ATP6V0D2: variants seen among roughly 807,000 people sequenced by gnomAD.
ATP6V0D2 encodes V-type proton ATPase subunit d 2.
Under a neutral mutation model 40.0 loss-of-function variants are expected in ATP6V0D2, and 40 were observed. The observed-to-expected ratio is 1.00, with a 90% CI of 0.78 to 1.30. The LOEUF (loss-of-function observed/expected upper bound fraction) is 1.30. ATP6V0D2 is among the 50% of genes most tolerant of loss of function. The probability of loss-of-function intolerance (pLI) is 0.00; values close to 1 mark genes in which losing one functional copy is unlikely to be tolerated. For synonymous variants in ATP6V0D2, 179 were observed against 156.3 expected, an observed-to-expected ratio of 1.15 and a Z score of -1.08; for missense variants, 470 against 423.1, an observed-to-expected ratio of 1.11 and a Z score of -0.97.
intron 3 of ATP6V0D2, among the ~76,000 whole-genome samples, chr8:86,140,478 A>G (rs1215161556): frequency 3.3e-5 from 5 of 152,122 alleles, no homozygotes; most frequent in Admixed American, 2.6e-4. Context: ...AATTCAATTC[A>G]CCCCAGTTTC....
chr8:86,118,085 C>CTTTTT (rs1222811419), intron 2 of ATP6V0D2, among the ~76,000 whole-genome samples: 13 of 27,624 alleles, frequency 4.7e-4, no homozygotes, highest in African/African-American at 8.6e-4. Flanking sequence ...TTCTTTCTTT[C>CTTTTT]TTTTTTTTTT....
At chr8:86,108,545 G>A (rs1818496450) in intron 1 of ATP6V0D2, among the ~76,000 whole-genome samples, 2 of 152,182 alleles carry the variant, frequency 1.3e-5, no homozygotes, top group Admixed American at 6.5e-5. Context: ...AAGTTCAGCA[G>A]CAGCAGAGTG....
chr8:86,119,604 C>T (rs769703745), intron 2 of ATP6V0D2, among the ~76,000 whole-genome samples: 1 of 152,078 alleles, frequency 6.6e-6, no homozygotes, highest in African/African-American at 2.4e-5. Context: ...TCACAACAAA[C>T]TACTGTGTTA....
intron 5 of ATP6V0D2, among the ~76,000 whole-genome samples, chr8:86,149,722 A>G (rs1234005394): frequency 6.6e-6 from 1 of 152,190 alleles, no homozygotes; most frequent in Non-Finnish European, 1.5e-5. Flanking sequence ...CATGCTAAGC[A>G]CTTCCACTTA....
At chr8:86,152,445 G>T (rs1819171110) in intron 7 of ATP6V0D2, among the ~76,000 whole-genome samples, 2 of 152,150 alleles carry the variant, frequency 1.3e-5, no homozygotes, top group South Asian at 2.1e-4. Flanking sequence ...ACCCAGTAAT[G>T]GGATCGCTGG....
intron 1 of ATP6V0D2, among the ~76,000 whole-genome samples, chr8:86,111,956 GGGAATGAGGAATAT>G (rs1176024493): frequency 2.6e-5 from 4 of 152,112 alleles, no homozygotes; most frequent in African/African-American, 9.7e-5. Flanking sequence ...GGGTTTCCTT[GGGAATGAGGAATAT>G]TTCTGGTCTA....
Position 86,143,036 on chromosome 8 carries a change from T to TAAGG in ATP6V0D2, c.639+83_639+84insAGGA. 3 of 959,778 alleles carry TAAGG rather than the reference T, an allele frequency of 3.1e-6. No individual in the cohort carries two copies. The Admixed American group carries it at 7.4e-5, about 24-fold the overall frequency. The allele number at this position is 959,778 out of a possible 1,614,324, so 59.5% of individuals were successfully genotyped here. A position where few individuals can be genotyped will look rare whatever the true frequency, so the allele number is the denominator to read the frequency against. On this transcript the variant is annotated intron_variant, in intron 5 of 7. Transcript: ENST00000285393. Reference sequence around the variant, plus strand: ...TGTTTTAACCTTACTTATATTTCCTTATCTTTGAATTTTTTTTTAATCTAG... The same window carrying TAAGG: ...TGTTTTAACCTTACTTATATTTCCTTAAGGATCTTTGAATTTTTTTTTAATCTAG...
At chr8:86,105,537 AT>A (rs1212753985) in intron 1 of ATP6V0D2, among the ~76,000 whole-genome samples, 1 of 151,294 alleles carries the variant, frequency 6.6e-6, no homozygotes, top group Non-Finnish European at 1.5e-5. Context: ...AGCTCAAGTG[AT>A]CTGCCCACCT....
chr8:86,115,049 A>T (rs1269864880), intron 2 of ATP6V0D2, among the ~76,000 whole-genome samples: 1 of 152,224 alleles, frequency 6.6e-6, no homozygotes. Flanking sequence ...CAGTACTAGA[A>T]GTAGGAAATT....
chr8:86,137,064 G>GT (rs5892975), intron 2 of ATP6V0D2, among the ~76,000 whole-genome samples: 128,567 of 151,898 alleles, frequency 0.85, 54,547 homozygotes, highest in Middle Eastern at 0.88. Context: ...CATATATCTG[G>GT]TTTTCTCTTC....
At chr8:86,127,915 T>A (rs990464569) in intron 2 of ATP6V0D2, among the ~76,000 whole-genome samples, 1 of 152,152 alleles carries the variant, frequency 6.6e-6, no homozygotes, top group African/African-American at 2.4e-5. Flanking sequence ...CAAGGCCTGA[T>A]AAAAGGATGT....
rs1312184513 is a variant in ATP6V0D2 at position 86,142,524 on chromosome 8, G to A, written c.562-353G>A. Among the ~76,000 whole-genome samples, 6 of 152,298 alleles carry A rather than the reference G, an allele frequency of 3.9e-5. No individual in the cohort carries two copies. In the South Asian group the frequency reaches 1.2e-3, roughly 32 times the overall value. On this transcript the variant is annotated intron_variant, in intron 4 of 7. Coordinates refer to ENST00000285393, the MANE Select transcript of ATP6V0D2 (RefSeq NM_152565.1). Reference sequence around the variant, plus strand: ...TGCCTCTACAAGAGACTAAATGTCAGCATAGGGCTAAATCTAAAATTATTC... The same window carrying A: ...TGCCTCTACAAGAGACTAAATGTCAACATAGGGCTAAATCTAAAATTATTC...
chr8:86,109,002 T>A (rs921342119), intron 1 of ATP6V0D2, among the ~76,000 whole-genome samples: 3 of 152,224 alleles, frequency 2.0e-5, no homozygotes, highest in African/African-American at 4.8e-5. Flanking sequence ...TTGGTAGTGA[T>A]CCTACAGTTT....
intron 2 of ATP6V0D2, among the ~76,000 whole-genome samples, chr8:86,123,913 A>G (rs1323526224): frequency 1.3e-5 from 2 of 152,152 alleles, no homozygotes; most frequent in African/African-American, 4.8e-5. Flanking sequence ...ACATCTTTAA[A>G]TGAGTAAATA....
intron 2 of ATP6V0D2, among the ~76,000 whole-genome samples, chr8:86,116,811 C>A (rs996611574): frequency 2.2e-4 from 33 of 152,290 alleles, no homozygotes; most frequent in African/African-American, 7.9e-4. Context: ...AAGTTCTCAA[C>A]AAAGGTAGCA....
At position 86,137,816 on chromosome 8, in the gene ATP6V0D2, G is replaced by A. The variant is rs117408310; in HGVS notation, c.303-1641G>A. On this transcript the variant is annotated intron_variant, in intron 2 of 7. Transcript: ENST00000285393. Reference sequence around the variant, plus strand: ...CTCAGCTCTCCTACTTGTCAGCTTTGTGTGTCATCATGGGTTGTATTTTCA... The same window carrying A: ...CTCAGCTCTCCTACTTGTCAGCTTTATGTGTCATCATGGGTTGTATTTTCA... 5.3e-3 allele frequency among the ~76,000 whole-genome samples: 801 copies of A among 152,274 alleles called. 5 individuals carry two copies. Among genetic ancestry groups the A allele is most frequent in the Middle Eastern group, 0.02 (6 of 294 alleles).
chr8:86,105,617 TTTTC>T lies in ATP6V0D2; in HGVS notation c.130+6513_130+6516del, dbSNP rs1395183982. 1.8e-4 allele frequency among the ~76,000 whole-genome samples: 10 copies of T among 55,708 alleles called. 1 individual carries two copies. Among genetic ancestry groups the T allele is most frequent in the South Asian group, 1.0e-3 (2 of 2,006 alleles). The allele number at this position is 55,708 out of a possible 152,430, so 36.5% of individuals were successfully genotyped here. A position where few individuals can be genotyped will look rare whatever the true frequency, so the allele number is the denominator to read the frequency against. ...GCCTAGCCTGTAAACTTCTTTTTTC[TTTTC>T]TTTTTTTTTTTTTTTGAGATGGATT... On this transcript the variant is annotated intron_variant, in intron 1 of 7. Transcript: ENST00000285393.
At chr8:86,145,956 C>T (rs1174773710) in intron 5 of ATP6V0D2, among the ~76,000 whole-genome samples, 1 of 152,166 alleles carries the variant, frequency 6.6e-6, no homozygotes, top group African/African-American at 2.4e-5. Flanking sequence ...AGTCTAGTAT[C>T]TATTTTTCAG....
At position 86,146,415 on chromosome 8, in the gene ATP6V0D2, G is replaced by A. The variant is rs570368990; in HGVS notation, c.639+3461G>A. Among the ~76,000 whole-genome samples, 134 of 152,186 alleles carry A rather than the reference G, an allele frequency of 8.8e-4. 1 individual carries two copies. In the South Asian group the frequency reaches 0.026, roughly 30 times the overall value. ...TCAAACAGCATTAAAAAAAAATCCA[G>A]CTAGGCATGGTAGTTTATGCCTGTA... On this transcript the variant is annotated intron_variant, in intron 5 of 7. Transcript: ENST00000285393.
Sources: allele counts gnomAD v4.1 joint callset (sites outside exome capture counted in the v4.1 genomes callset), GRCh38; gene constraint gnomAD v4.1.1; transcripts MANE v1.5; gene names NCBI Gene and HGNC (gene_info 2026-07-23, HGNC 2026-07-21).